The following TRPC4 variants were observed in gnomAD, a reference collection of about 807,000 sequenced individuals.
The protein encoded by TRPC4 is short transient receptor potential channel 4.
A neutral mutation model predicts 99.4 loss-of-function variants in TRPC4; 49 were observed. The observed-to-expected ratio is 0.49, with a 90% CI of 0.39 to 0.63. TRPC4 has a LOEUF of 0.63. TRPC4 is among the 20% of genes least tolerant of loss of function. TRPC4 has a pLI of 0.00. For missense variants in TRPC4, 898 were observed against 1,152.9 expected (o/e 0.78, Z 3.20); for synonymous variants, 454 against 425.9 (o/e 1.07, Z -0.81).
chr13:37,793,812 C>T (rs6650469), intron 1 of TRPC4, among the ~76,000 whole-genome samples: 62,086 of 151,834 alleles, frequency 0.41, 13,055 homozygotes, highest in South Asian at 0.48. Flanking sequence ...TGGAAATATG[C>T]GTATCACTCT....
intron 1 of TRPC4, among the ~76,000 whole-genome samples, chr13:37,834,909 A>G (rs891181926): frequency 1.3e-5 from 2 of 151,900 alleles, no homozygotes; most frequent in Non-Finnish European, 2.9e-5. Flanking sequence ...TAACTTTTGT[A>G]TTTTGAGTAG....
At chr13:37,701,290 A>C (rs1481503349) in intron 3 of TRPC4, among the ~76,000 whole-genome samples, 3 of 152,072 alleles carry the variant, frequency 2.0e-5, no homozygotes, top group Non-Finnish European at 4.4e-5. Context: ...TTTATTCTTT[A>C]TTGGCTCATC....
intron 1 of TRPC4, among the ~76,000 whole-genome samples, chr13:37,801,770 G>C (rs910452025): frequency 6.7e-6 from 1 of 149,418 alleles, no homozygotes; most frequent in Admixed American, 6.7e-5. Flanking sequence ...CTAAAGTAAG[G>C]ATATTTAGAA....
chr13:37,843,985 T>C (rs1958812985), intron 1 of TRPC4, among the ~76,000 whole-genome samples: 1 of 152,134 alleles, frequency 6.6e-6, no homozygotes, highest in African/African-American at 2.4e-5. Context: ...CACACTAAGA[T>C]TTTTCCTGAA....
intron 6 of TRPC4, among the ~76,000 whole-genome samples, chr13:37,659,672 G>A (rs2138667412): frequency 6.6e-6 from 1 of 152,254 alleles, no homozygotes; most frequent in Non-Finnish European, 1.5e-5. Context: ...GAAGACATAA[G>A]AAACAAGGCA....
intron 6 of TRPC4, among the ~76,000 whole-genome samples, chr13:37,656,763 G>T (rs567968675): frequency 9.2e-5 from 14 of 152,166 alleles, no homozygotes; most frequent in Non-Finnish European, 1.8e-4. Context: ...AAGAAGCAGA[G>T]AATTGAGGAT....
intron 2 of TRPC4, among the ~76,000 whole-genome samples, chr13:37,779,727 C>T (rs568101022): frequency 6.6e-6 from 1 of 152,104 alleles, no homozygotes; most frequent in African/African-American, 2.4e-5. Flanking sequence ...ACATTTCTAA[C>T]TAACTCCTAG....
At chr13:37,647,160 A>T (rs1195589085) in intron 8 of TRPC4, among the ~76,000 whole-genome samples, 1 of 152,284 alleles carries the variant, frequency 6.6e-6, no homozygotes, top group South Asian at 2.1e-4. Flanking sequence ...GCAACCCTGA[A>T]GAGTACTGGT....
Position 37,693,797 on chromosome 13 carries a change from C to A in TRPC4, c.898-1462G>T, listed in dbSNP as rs115343138. 5.3e-3 allele frequency among the ~76,000 whole-genome samples: 803 copies of A among 152,130 alleles called. 10 individuals are homozygous for A. Among genetic ancestry groups the A allele is most frequent in the African/African-American group, 0.019 (779 of 41,514 alleles). On this transcript the variant is annotated intron_variant, in intron 3 of 10. Coordinates refer to ENST00000379705, the MANE Select transcript of TRPC4 (RefSeq NM_016179.4). ...TCTACTCATCAATATATATAGTGGG[C>A]AAATAAATATGCAAACAATTGAATT...
chr13:37,859,154 A>T (rs919464523), intron 1 of TRPC4, among the ~76,000 whole-genome samples: 3 of 151,578 alleles, frequency 2.0e-5, no homozygotes, highest in African/African-American at 7.2e-5. Context: ...AGGATTCATA[A>T]ATGGGAAGAG....
intron 1 of TRPC4, among the ~76,000 whole-genome samples, chr13:37,817,524 T>C (rs998586376): frequency 6.6e-6 from 1 of 151,976 alleles, no homozygotes; most frequent in Admixed American, 6.6e-5. Flanking sequence ...GAGAGAACTA[T>C]TTTAAAATTT....
chr13:37,665,840 C>CAAAAAAAAAAAAAAAAAAAAAAAAAAA (rs1168472231), intron 5 of TRPC4, among the ~76,000 whole-genome samples: 1 of 71,026 alleles, frequency 1.4e-5, no homozygotes, highest in Non-Finnish European at 2.8e-5. Flanking sequence ...TCAGCTGAGA[C>CAAAAAAAAAAAAAAAAAAAAAAAAAAA]AAAAAAAAAA....
intron 1 of TRPC4, among the ~76,000 whole-genome samples, chr13:37,831,369 A>G (rs1330597527): frequency 6.6e-6 from 1 of 152,242 alleles, no homozygotes; most frequent in Non-Finnish European, 1.5e-5. Context: ...TCAATTATCA[A>G]AATGATGAAA....
intron 4 of TRPC4, among the ~76,000 whole-genome samples, chr13:37,686,174 T>C (rs944240222): frequency 6.6e-6 from 1 of 152,044 alleles, no homozygotes. Context: ...GGATGGGAAA[T>C]TCAGCGGTGA....
intron 2 of TRPC4, among the ~76,000 whole-genome samples, chr13:37,746,881 C>A (rs1955802057): frequency 6.6e-6 from 1 of 152,106 alleles, no homozygotes; most frequent in Non-Finnish European, 1.5e-5. Flanking sequence ...TCTTTCTCTG[C>A]AGTAGAAGTC....
chr13:37,761,889 G>T (rs114375043), intron 2 of TRPC4, among the ~76,000 whole-genome samples: 1 of 151,148 alleles, frequency 6.6e-6, no homozygotes, highest in Admixed American at 6.6e-5. Flanking sequence ...TAGAATGCAT[G>T]CTTTTTGTTG....
chr13:37,817,278 A>C (rs1471269938), intron 1 of TRPC4, among the ~76,000 whole-genome samples: 1 of 152,050 alleles, frequency 6.6e-6, no homozygotes, highest in African/African-American at 2.4e-5. Context: ...CACAATTGCC[A>C]CAAAAAGAAT....
At chr13:37,749,096 G>A (rs1411255874) in intron 2 of TRPC4, among the ~76,000 whole-genome samples, 1 of 152,074 alleles carries the variant, frequency 6.6e-6, no homozygotes, top group East Asian at 1.9e-4. Context: ...TGTTTGATAA[G>A]TGTCTGGCAC....
At position 37,635,086 on chromosome 13, in the gene TRPC4, A is replaced by G. The variant is rs192942364; in HGVS notation, c.*1817T>C. 3.9e-5 allele frequency among the ~76,000 whole-genome samples: 6 copies of G among 152,272 alleles called. No homozygotes were observed. Among genetic ancestry groups the G allele is most frequent in the Admixed American group, 3.3e-4 (5 of 15,268 alleles). ...TAATGTAATTTAGTCTAAAGAATCAAATACAGCACATTTTATATTTTGCAC... is the reference window on the plus strand; with the variant it reads ...TAATGTAATTTAGTCTAAAGAATCAGATACAGCACATTTTATATTTTGCAC... On this transcript the variant is annotated 3_prime_UTR_variant, in exon 11 of 11. Coordinates refer to ENST00000379705, the MANE Select transcript of TRPC4 (RefSeq NM_016179.4).
Sources: gnomAD v4.1 joint callset for allele counts (sites outside exome capture counted in the v4.1 genomes callset) on GRCh38, gnomAD v4.1.1 for gene constraint, MANE v1.5 for transcripts, NCBI Gene and HGNC (gene_info 2026-07-23, HGNC 2026-07-21) for gene names.